EPB41L3: variants seen among roughly 807,000 people sequenced by gnomAD.
EPB41L3 encodes erythrocyte membrane protein band 4.1 like 3, also known as band 4.1-like protein 3.
A neutral mutation model predicts 127.1 loss-of-function variants in EPB41L3; 57 were observed. The observed-to-expected ratio is 0.45, with a 90% CI of 0.36 to 0.56. EPB41L3 has a LOEUF of 0.56. Among genes scored for constraint, EPB41L3 ranks in the 20% least tolerant of loss-of-function variants. The pLI is 0.00. For missense variants in EPB41L3, 1,273 were observed against 1,372.2 expected (o/e 0.93, Z 1.14); for synonymous variants, 572 against 549.5 (o/e 1.04, Z -0.57).
chr18:5,493,345 T>C (rs1213683372), intron 1 of EPB41L3, among the ~76,000 whole-genome samples: 2 of 152,182 alleles, frequency 1.3e-5, no homozygotes, highest in African/African-American at 4.8e-5. Flanking sequence ...CTTCGTACCA[T>C]TTACCTGTCT....
intron 8 of EPB41L3, 92 bp downstream of exon 8, chr18:5,433,377 T>C (rs1339453333): frequency 1.2e-6 from 1 of 864,556 alleles, no homozygotes; most frequent in Non-Finnish European, 1.8e-6. Flanking sequence ...TTCATTTACA[T>C]TAACTGAAGT....
intron 3 of EPB41L3, 58 bp downstream of exon 3, chr18:5,478,183 A>T: frequency 6.7e-7 from 1 of 1,494,616 alleles, no homozygotes; most frequent in Non-Finnish European, 9.2e-7. Flanking sequence ...TATATTTTAT[A>T]CCAACATTCC....
intron 3 of EPB41L3, among the ~76,000 whole-genome samples, chr18:5,590,597 T>A (rs140569276): frequency 6.6e-6 from 1 of 152,080 alleles, no homozygotes; most frequent in Non-Finnish European, 1.5e-5. Context: ...AACACACATG[T>A]TGCACATGAA....
At chr18:5,527,942 A>G (rs193014941) in intron 1 of EPB41L3, among the ~76,000 whole-genome samples, 1 of 152,376 alleles carries the variant, frequency 6.6e-6, no homozygotes, top group East Asian at 1.9e-4. Flanking sequence ...TCTGACTGTT[A>G]GACAACAACA....
In EPB41L3 at chr18:5,393,137, A is replaced by G. The variant is rs2072670996; in HGVS notation, c.*348T>C. On this transcript the variant is annotated 3_prime_UTR_variant, in exon 23 of 23. Coordinates refer to ENST00000341928, the MANE Select transcript of EPB41L3 (RefSeq NM_012307.5). ...TTAATAATAATAAACTATGAAAGGCATGAATTGTTTATGTGTTACATGAGA... is the reference window on the plus strand; with the variant it reads ...TTAATAATAATAAACTATGAAAGGCGTGAATTGTTTATGTGTTACATGAGA... 1 of 253,910 alleles carries G rather than the reference A, an allele frequency of 3.9e-6. No individual in the cohort carries two copies. Among genetic ancestry groups the G allele is most frequent in the Admixed American group, 5.4e-5 (1 of 18,428 alleles). The allele number at this position is 253,910 out of a possible 1,614,324, so 15.7% of individuals were successfully genotyped here.
chr18:5,451,021 A>T (rs1442744114), intron 3 of EPB41L3, among the ~76,000 whole-genome samples: 1 of 152,200 alleles, frequency 6.6e-6, no homozygotes, highest in Non-Finnish European at 1.5e-5. Flanking sequence ...GCAGTCACTG[A>T]TGACCATTGC....
intron 6 of EPB41L3, among the ~76,000 whole-genome samples, chr18:5,435,476 A>G (rs2079633494): frequency 6.6e-6 from 1 of 152,326 alleles, no homozygotes; most frequent in East Asian, 1.9e-4. Context: ...GTTTAGATAC[A>G]CAAATACTTA....
intron 3 of EPB41L3, among the ~76,000 whole-genome samples, chr18:5,595,858 T>C (rs1277403444): frequency 6.6e-6 from 1 of 152,162 alleles, no homozygotes; most frequent in Admixed American, 6.5e-5. Flanking sequence ...TTGGGGGTAA[T>C]CTGTAATCCT....
intron 1 of EPB41L3, among the ~76,000 whole-genome samples, chr18:5,515,927 T>C (rs2092731687): frequency 6.6e-6 from 1 of 152,238 alleles, no homozygotes. Context: ...GGGAAGCCTG[T>C]GCACACAGAT....
chr18:5,548,280 T>C (rs7505578), upstream of EPB41L3, among the ~76,000 whole-genome samples: 35,806 of 152,122 alleles, frequency 0.24, 5,776 homozygotes, highest in African/African-American at 0.46. Context: ...AGTTTCTAGG[T>C]TCTAAGAATA....
At chr18:5,406,494 G>T (rs2075408147) in intron 16 of EPB41L3, among the ~76,000 whole-genome samples, 1 of 152,116 alleles carries the variant, frequency 6.6e-6, no homozygotes, top group Admixed American at 6.5e-5. Flanking sequence ...ATTTCTCTCA[G>T]CTATAAATCT....
intron 5 of EPB41L3, among the ~76,000 whole-genome samples, chr18:5,442,537 C>T (rs1454559212): frequency 2.6e-5 from 4 of 152,070 alleles, no homozygotes; most frequent in East Asian, 1.9e-4. Flanking sequence ...TGATAGCTCA[C>T]GACTTTCAAA....
At chr18:5,560,781 G>A (rs2094113919) in intron 3 of EPB41L3, among the ~76,000 whole-genome samples, 1 of 151,940 alleles carries the variant, frequency 6.6e-6, no homozygotes, top group African/African-American at 2.4e-5. Flanking sequence ...TTATTTTGGG[G>A]GGTGGGGAGA....
At chr18:5,560,782 G>C (rs557450094) in intron 3 of EPB41L3, among the ~76,000 whole-genome samples, 1 of 151,926 alleles carries the variant, frequency 6.6e-6, no homozygotes, top group Admixed American at 6.6e-5. Flanking sequence ...TATTTTGGGG[G>C]GTGGGGAGAA....
intron 3 of EPB41L3, among the ~76,000 whole-genome samples, chr18:5,450,083 T>TG (rs926594245): frequency 4.0e-5 from 6 of 151,502 alleles, no homozygotes; most frequent in East Asian, 3.9e-4. Context: ...CTGCAGATAA[T>TG]GGGGGGGACT....
chr18:5,459,884 C>G (rs956292753), intron 3 of EPB41L3, among the ~76,000 whole-genome samples: 9 of 152,126 alleles, frequency 5.9e-5, no homozygotes, highest in African/African-American at 2.2e-4. Flanking sequence ...TAGAAGATGA[C>G]TTTTAAATTT....
intron 3 of EPB41L3, among the ~76,000 whole-genome samples, chr18:5,470,755 G>A (rs1405143597): frequency 6.6e-6 from 1 of 152,146 alleles, no homozygotes; most frequent in East Asian, 1.9e-4. Flanking sequence ...ACACCTTAAG[G>A]GATTTTTGGA....
intron 3 of EPB41L3, among the ~76,000 whole-genome samples, chr18:5,592,577 T>C (rs371267736): frequency 6.6e-6 from 1 of 152,204 alleles, no homozygotes; most frequent in South Asian, 2.1e-4. Context: ...TTGTAGCACA[T>C]ACCCAGGACT....
chr18:5,601,398 C>T (rs2094589705), intron 3 of EPB41L3, among the ~76,000 whole-genome samples: 1 of 152,182 alleles, frequency 6.6e-6, no homozygotes, highest in South Asian at 2.1e-4. Context: ...ACCCAACCTG[C>T]TGGAAGTGCA....
Sources: gnomAD v4.1 joint callset for allele counts (sites outside exome capture counted in the v4.1 genomes callset) on GRCh38, gnomAD v4.1.1 for gene constraint, MANE v1.5 for transcripts, NCBI Gene and HGNC (gene_info 2026-07-23, HGNC 2026-07-21) for gene names.